Variants in PPM1E observed in about 807,000 individuals in gnomAD.
The protein encoded by PPM1E is protein phosphatase, Mg2+/Mn2+ dependent 1E, also known as protein phosphatase 1E.
Under a neutral mutation model 65.9 loss-of-function variants are expected in PPM1E, and 20 were observed. That is an observed-to-expected ratio of 0.30 (90% CI 0.21 to 0.44). PPM1E has a LOEUF of 0.44. Ranked by LOEUF, PPM1E falls within the 20% of genes least tolerant of loss-of-function variation. The probability of loss-of-function intolerance (pLI) is 1.00; values close to 1 mark genes in which losing one functional copy is unlikely to be tolerated. For missense variants in PPM1E, 713 were observed against 953.1 expected (o/e 0.75, Z 3.32); for synonymous variants, 352 against 374.9 (o/e 0.94, Z 0.70).
At chr17:58,953,810 C>T (rs1052371912) in intron 1 of PPM1E, among the ~76,000 whole-genome samples, 10 of 149,276 alleles carry the variant, frequency 6.7e-5, no homozygotes, top group South Asian at 2.1e-4. Flanking sequence ...TGCAATGGCA[C>T]GATCTCGGCT....
rs541722630 is a variant in PPM1E, at chr17:58,761,130, T to C, written c.464+4669T>C. Among the ~76,000 whole-genome samples the C allele has an allele frequency of 2.0e-5, 3 of 152,324 alleles. No homozygotes were observed. The East Asian group carries it at 5.8e-4, about 29-fold the overall frequency. On this transcript the variant is annotated intron_variant, in intron 1 of 6. Transcript: ENST00000308249. ...TATATTCCCTACGCTGGATTCAAAC[T>C]CCTGGCTCAAATGATCTTCTTACCT...
At position 58,977,463 on chromosome 17, in the gene PPM1E, A is replaced by T. The variant is rs775918532; in HGVS notation, c.1211-2511A>T. Reference sequence around the variant, plus strand: ...CTCAAAAAAAAAAAAAAAAGAAATAATGAATGAATGAATGGAGAAGAGCCT... The same window carrying T: ...CTCAAAAAAAAAAAAAAAAGAAATATTGAATGAATGAATGGAGAAGAGCCT... On this transcript the variant is annotated intron_variant, in intron 6 of 6. Coordinates refer to ENST00000308249, the MANE Select transcript of PPM1E (RefSeq NM_014906.5). 7.2e-5 allele frequency among the ~76,000 whole-genome samples: 11 copies of T among 151,874 alleles called. 1 individual carries two copies. The highest frequency in any genetic ancestry group is 1.5e-4 in the Non-Finnish European group (10 of 67,962).
intron 4 of PPM1E, 87 bp downstream of exon 4, chr17:58,969,814 C>A: frequency 1.6e-6 from 2 of 1,275,140 alleles, no homozygotes; most frequent in Non-Finnish European, 2.2e-6. Context: ...TTTAGATTTT[C>A]TCTTTCTGGG....
intron 3 of PPM1E, among the ~76,000 whole-genome samples, chr17:58,967,236 A>G (rs2030308202): frequency 6.6e-6 from 1 of 152,214 alleles, no homozygotes; most frequent in Non-Finnish European, 1.5e-5. Flanking sequence ...TATTATAAGA[A>G]AATAGAAATG....
At chr17:58,931,367 CAA>C (rs1039703747) in intron 1 of PPM1E, among the ~76,000 whole-genome samples, 2 of 124,696 alleles carry the variant, frequency 1.6e-5, no homozygotes, top group African/African-American at 3.0e-5. Context: ...ACCTGAGCGA[CAA>C]GAGTGAAACT....
chr17:58,980,660 G>T lies in PPM1E; in HGVS notation c.1897G>T (p.Gly633Cys), dbSNP rs2031301794. The T allele has an allele frequency of 6.2e-7, 1 of 1,614,016 alleles. No individual in the cohort carries two copies. Among genetic ancestry groups the T allele is most frequent in the Non-Finnish European group, 8.5e-7 (1 of 1,180,018 alleles). Residue 633 changes from glycine to cysteine, a missense_variant, in exon 7 of 7, where the codon GGT becomes TGT. By Grantham distance (159) the Gly-to-Cys change is radical (BLOSUM62 -3). Transcript: ENST00000308249. The surrounding 1 kb of genome is among the most constrained non-coding windows in gnomAD (Gnocchi z 4.7). ...AGEFPTAFNLGSTGEQIYRMQ... is the reference protein window; with the variant it reads ...AGEFPTAFNLCSTGEQIYRMQ... ...AGAGTTTCCCACTGCTTTCAATTTGGGTTCAACAGGGGAGCAGATATACAG... is the reference window on the plus strand; with the variant it reads ...AGAGTTTCCCACTGCTTTCAATTTGTGTTCAACAGGGGAGCAGATATACAG...
At chr17:58,793,114 T>G (rs930095944) in intron 1 of PPM1E, among the ~76,000 whole-genome samples, 1 of 152,084 alleles carries the variant, frequency 6.6e-6, no homozygotes, top group African/African-American at 2.4e-5. Flanking sequence ...CTGCTTTTCT[T>G]TTTTATTCCA....
intron 1 of PPM1E, among the ~76,000 whole-genome samples, chr17:58,926,260 A>T (rs1462212129): frequency 6.6e-6 from 1 of 151,102 alleles, no homozygotes; most frequent in Non-Finnish European, 1.5e-5. Context: ...AGAATCCAGG[A>T]GGTGGAGTCT....
intron 1 of PPM1E, among the ~76,000 whole-genome samples, chr17:58,955,289 C>T (rs377573109): frequency 7.9e-4 from 120 of 152,190 alleles, no homozygotes; most frequent in African/African-American, 2.6e-3. Flanking sequence ...CGCTTGAACC[C>T]GGGAGGCAGA....
At chr17:58,767,622 G>C (rs2049893905) in intron 1 of PPM1E, among the ~76,000 whole-genome samples, 1 of 151,934 alleles carries the variant, frequency 6.6e-6, no homozygotes, top group African/African-American at 2.4e-5. Flanking sequence ...AACTTACTAT[G>C]GTTCTCTTTT....
intron 1 of PPM1E, among the ~76,000 whole-genome samples, chr17:58,771,457 C>A (rs1214557125): frequency 6.6e-6 from 1 of 151,600 alleles, no homozygotes; most frequent in African/African-American, 2.4e-5. Flanking sequence ...AACCCCGTCT[C>A]TACTAAAAAT....
chr17:58,979,664 T>G (rs1214571007), intron 6 of PPM1E, among the ~76,000 whole-genome samples: 2 of 152,156 alleles, frequency 1.3e-5, no homozygotes, highest in Non-Finnish European at 2.9e-5. Context: ...AGCAACAAAC[T>G]TTTAGATCTG....
At chr17:58,832,643 T>G (rs1192125962) in intron 1 of PPM1E, among the ~76,000 whole-genome samples, 1 of 152,064 alleles carries the variant, frequency 6.6e-6, no homozygotes, top group Non-Finnish European at 1.5e-5. Flanking sequence ...ATTTTTAGAG[T>G]CATGTAGAAG....
intron 1 of PPM1E, among the ~76,000 whole-genome samples, chr17:58,790,688 T>G (rs1365225472): frequency 6.6e-6 from 1 of 152,100 alleles, no homozygotes. Flanking sequence ...GGAGAGGCCT[T>G]GTGTAGGTAA....
chr17:58,842,831 G>A (rs563875169), intron 1 of PPM1E, among the ~76,000 whole-genome samples: 8 of 152,260 alleles, frequency 5.3e-5, no homozygotes, highest in Non-Finnish European at 1.0e-4. Context: ...CCAGCTACTC[G>A]GGAGGATGAG....
intron 1 of PPM1E, among the ~76,000 whole-genome samples, chr17:58,877,031 C>T (rs1245251182): frequency 6.6e-6 from 1 of 152,226 alleles, no homozygotes; most frequent in Admixed American, 6.5e-5. Flanking sequence ...GATCCGCCCG[C>T]CTCGGCCTCC....
chr17:58,910,460 G>A (rs541274885), intron 1 of PPM1E, among the ~76,000 whole-genome samples: 4 of 151,852 alleles, frequency 2.6e-5, no homozygotes, highest in African/African-American at 9.7e-5. Flanking sequence ...TAAATTCCTG[G>A]TATGATAATC....
chr17:58,796,363 C>CTTTA (rs1040836698), intron 1 of PPM1E, among the ~76,000 whole-genome samples: 3 of 151,958 alleles, frequency 2.0e-5, no homozygotes, highest in Non-Finnish European at 4.4e-5. Context: ...TCCCATGGCA[C>CTTTA]TTTATTTATT....
chr17:58,926,267 G>T (rs1420642601), intron 1 of PPM1E, among the ~76,000 whole-genome samples: 1 of 151,756 alleles, frequency 6.6e-6, no homozygotes, highest in African/African-American at 2.4e-5. Flanking sequence ...AGGAGGTGGA[G>T]TCTGCAGTAA....
Sources: gnomAD v4.1 joint callset for allele counts (sites outside exome capture counted in the v4.1 genomes callset) on GRCh38, gnomAD v4.1.1 for gene constraint, Gnocchi (gnomAD v3.1) non-coding constraint, MANE v1.5 for transcripts, NCBI Gene and HGNC (gene_info 2026-07-23, HGNC 2026-07-21) for gene names.